The following DUSP29 variants were observed in gnomAD, a reference collection of about 807,000 sequenced individuals.
DUSP29 encodes dual specificity phosphatase 29.
In DUSP29, 12 loss-of-function variants were observed where a neutral mutation model predicts 13.5. The observed-to-expected ratio is 0.89, with a 90% CI of 0.57 to 1.44. The LOEUF (loss-of-function observed/expected upper bound fraction) is 1.44, where lower values mean the gene tolerates loss of function less well. Ranked by LOEUF, DUSP29 falls within the 40% of genes most tolerant of loss-of-function variation. The pLI, the probability that DUSP29 is intolerant of heterozygous loss-of-function variation, is 0.00. For missense variants in DUSP29, 308 were observed against 301.1 expected (o/e 1.02, Z -0.17); for synonymous variants, 134 against 128.7 (o/e 1.04, Z -0.28).
intron 1 of DUSP29, among the ~76,000 whole-genome samples, chr10:75,069,755 A>G (rs1224716568): frequency 6.6e-6 from 1 of 152,108 alleles, no homozygotes; most frequent in Admixed American, 6.6e-5. Flanking sequence ...AACCTTGTAG[A>G]TAGTGGCTGG....
intron 1 of DUSP29, among the ~76,000 whole-genome samples, chr10:75,067,601 C>T (rs558974469): frequency 7.4e-4 from 113 of 152,230 alleles, no homozygotes; most frequent in African/African-American, 2.6e-3. Flanking sequence ...CCGTGTATGC[C>T]CCTGTGTAGG....
At position 75,061,000 on chromosome 10, in the gene DUSP29, G is replaced by A. The variant is rs951831597; in HGVS notation, c.-34-2452C>T. 2.0e-5 allele frequency among the ~76,000 whole-genome samples: 3 copies of A among 152,194 alleles called. No homozygotes were observed. In the East Asian group the frequency reaches 5.8e-4, roughly 29 times the overall value. On this transcript the variant is annotated intron_variant, in intron 1 of 3. Coordinates refer to ENST00000338487, the MANE Select transcript of DUSP29 (RefSeq NM_001003892.3). ...TGAATGAGATGGGCTGGCTATGAGT[G>A]ATGGTGATTGGGGCTGGATGATGGT...
intron 1 of DUSP29, among the ~76,000 whole-genome samples, chr10:75,064,969 G>A (rs1040953286): frequency 6.6e-6 from 1 of 152,242 alleles, no homozygotes; most frequent in Middle Eastern, 3.4e-3. Flanking sequence ...AAGCAGAACA[G>A]TCTTGGCAGG....
At position 75,037,860 on chromosome 10, in the gene DUSP29, C is replaced by T; in HGVS notation, c.639G>A (p.Glu213=). The change falls in exon 4 of 4, where the codon GAG becomes GAA. Residue 213 remains glutamate, a synonymous_variant. Coordinates refer to ENST00000338487, the MANE Select transcript of DUSP29 (RefSeq NM_001003892.3). ...CCTACAGCTCCCTGCCATCCTCCTC[C>T]TCACCGTCCTGGCGCTGGGACCGTC... is the stretch of plus-strand genomic sequence containing the variant. ...QRRRSQRQDG[E]EEDGREL is the part of the protein sequence containing the mutation. The T allele has an allele frequency of 6.2e-7, 1 of 1,609,324 alleles. No homozygotes were observed. Among genetic ancestry groups the T allele is most frequent in the South Asian group, 1.1e-5 (1 of 90,964 alleles).
chr10:75,067,410 C>T (rs755538784), intron 1 of DUSP29, among the ~76,000 whole-genome samples: 6 of 152,194 alleles, frequency 3.9e-5, no homozygotes, highest in East Asian at 1.9e-4. Context: ...GGCAGCCCCC[C>T]TCCCCACCCC....
chr10:75,048,990 A>C (rs1413025078), intron 2 of DUSP29, among the ~76,000 whole-genome samples: 2 of 152,178 alleles, frequency 1.3e-5, no homozygotes. Context: ...TGTGAAGTTG[A>C]ATGATGCAAT....
At chr10:75,052,409 C>T (rs1228036901) in intron 2 of DUSP29, among the ~76,000 whole-genome samples, 1 of 151,682 alleles carries the variant, frequency 6.6e-6, no homozygotes, top group Non-Finnish European at 1.5e-5. Context: ...CGGGTTCACG[C>T]CATTCTCCTA....
At chr10:75,050,966 G>A (rs1423619294) in intron 2 of DUSP29, among the ~76,000 whole-genome samples, 3 of 152,184 alleles carry the variant, frequency 2.0e-5, no homozygotes, top group African/African-American at 4.8e-5. Flanking sequence ...GTGAGGACTT[G>A]GAATTACCAG....
In DUSP29 at chr10:75,043,746, TCGGGG is replaced by T. The variant is rs759512422; in HGVS notation, c.421+46_421+50del. The T allele has an allele frequency of 3.3e-4, 394 of 1,202,628 alleles. 1 individual carries two copies. Among genetic ancestry groups the T allele is most frequent in the African/African-American group, 1.6e-3 (51 of 32,720 alleles). 74.5% of individuals were successfully genotyped at this position (1,202,628 alleles called of 1,614,324 possible). On this transcript the variant is annotated intron_variant, in intron 3 of 3. Coordinates refer to ENST00000338487, the MANE Select transcript of DUSP29 (RefSeq NM_001003892.3). ...GGGCCTAAGCTACGGGCGGGGCGAG[TCGGGG>T]CGGGGCGGGGCGGGGCCGATCGGGG...
At chr10:75,067,965 A>T (rs531300527) in intron 1 of DUSP29, among the ~76,000 whole-genome samples, 1 of 152,126 alleles carries the variant, frequency 6.6e-6, no homozygotes, top group East Asian at 1.9e-4. Flanking sequence ...GGCGCTCACC[A>T]TCCCGCCCAG....
chr10:75,043,767 C>G (rs369372418), intron 3 of DUSP29, 30 bp downstream of exon 3: 6 of 1,580,718 alleles, frequency 3.8e-6, no homozygotes, highest in Admixed American at 1.7e-5. Flanking sequence ...CGGGGCGGGG[C>G]CGATCGGGGC....
chr10:75,043,809 T>G lies in DUSP29; in HGVS notation c.409A>C (p.Ser137Arg), dbSNP rs16931938. The change falls in exon 3 of 4, where the codon AGC becomes CGC. Residue 137 changes from serine to arginine, a missense_variant. Ser to Arg is a moderately radical substitution (Grantham distance 110, BLOSUM62 -1). Transcript: ENST00000338487. ...PAAAFIDRAL[S>R]DDHSKILVHC... ...GCGGGTCTCTTACTGTGGTCGTCGC[T>G]TAGCGCTCTGTCGATGAAGGCTGCC... 148,110 of 1,612,712 alleles carry G rather than the reference T, an allele frequency of 0.092. 19,347 individuals carry two copies. Among genetic ancestry groups the G allele is most frequent in the African/African-American group, 0.57 (42,850 of 74,794 alleles).
In DUSP29 at chr10:75,042,972, C is replaced by T. The variant is rs556297329; in HGVS notation, c.421+825G>A. ...CAATAACTGTATATTGTCTTACCCCCGATGCGTCCCTAAGCTGTGCCCTTC... is the reference window on the plus strand; with the variant it reads ...CAATAACTGTATATTGTCTTACCCCTGATGCGTCCCTAAGCTGTGCCCTTC... On this transcript the variant is annotated intron_variant, in intron 3 of 3. Coordinates refer to ENST00000338487, the MANE Select transcript of DUSP29 (RefSeq NM_001003892.3). Among the ~76,000 whole-genome samples, 10 of 152,366 alleles carry T rather than the reference C, an allele frequency of 6.6e-5. No individual in the cohort carries two copies. In the South Asian group the frequency reaches 1.2e-3, roughly 19 times the overall value.
intron 2 of DUSP29, among the ~76,000 whole-genome samples, chr10:75,057,930 C>T (rs1372538832): frequency 6.6e-6 from 1 of 152,226 alleles, no homozygotes; most frequent in Non-Finnish European, 1.5e-5. Flanking sequence ...TTCTTTCCCT[C>T]CACCCTCCTG....
At chr10:75,061,998 G>A (rs903015445) in intron 1 of DUSP29, among the ~76,000 whole-genome samples, 1 of 152,210 alleles carries the variant, frequency 6.6e-6, no homozygotes, top group Non-Finnish European at 1.5e-5. Flanking sequence ...GGCGCAGGGT[G>A]GGCTGCCCTC....
intron 1 of DUSP29, among the ~76,000 whole-genome samples, chr10:75,071,949 C>G (rs1589872240): frequency 6.6e-6 from 1 of 152,194 alleles, no homozygotes; most frequent in South Asian, 2.1e-4. Flanking sequence ...CACTGGCAGG[C>G]CTGCAGGCCA....
At chr10:75,042,269 C>T (rs969783344) in intron 3 of DUSP29, among the ~76,000 whole-genome samples, 1 of 152,262 alleles carries the variant, frequency 6.6e-6, no homozygotes, top group South Asian at 2.1e-4. Flanking sequence ...AAACCCAGCC[C>T]TGTCTTCTCC....
At chr10:75,051,489 A>G (rs1044718736) in intron 2 of DUSP29, among the ~76,000 whole-genome samples, 3 of 152,210 alleles carry the variant, frequency 2.0e-5, no homozygotes, top group South Asian at 2.1e-4. Flanking sequence ...CGCTCCACCT[A>G]TCTCCACAAA....
intron 1 of DUSP29, among the ~76,000 whole-genome samples, chr10:75,059,252 A>C (rs1847034720): frequency 6.6e-6 from 1 of 152,196 alleles, no homozygotes; most frequent in African/African-American, 2.4e-5. Context: ...TGAAATGTGC[A>C]TTTGGAGAGC....
Sources: allele counts gnomAD v4.1 joint callset (sites outside exome capture counted in the v4.1 genomes callset), GRCh38; gene constraint gnomAD v4.1.1; transcripts MANE v1.5; gene names NCBI Gene and HGNC (gene_info 2026-07-23, HGNC 2026-07-21).